Variants in XYLB observed in about 807,000 individuals in gnomAD.
XYLB encodes the protein xylulokinase.
Under a neutral mutation model 78.7 loss-of-function variants are expected in XYLB, and 62 were observed. The observed-to-expected ratio is 0.79, with a 90% CI of 0.64 to 0.97. XYLB has a LOEUF of 0.97. Ranked by LOEUF, XYLB falls within the 50% of genes least tolerant of loss-of-function variation. The pLI is 0.00. For synonymous variants in XYLB, 245 were observed against 247.4 expected (o/e 0.99, Z 0.09); for missense variants, 687 against 676.8 (o/e 1.02, Z -0.17).
At chr3:38,390,977 T>C (rs1180271927) in intron 15 of XYLB, among the ~76,000 whole-genome samples, 1 of 152,158 alleles carries the variant, frequency 6.6e-6, no homozygotes, top group African/African-American at 2.4e-5. Flanking sequence ...CCCAGCACTT[T>C]GGGAGGCCGA....
downstream of XYLB, among the ~76,000 whole-genome samples, chr3:38,418,636 C>G (rs1487953561): frequency 6.6e-6 from 1 of 152,106 alleles, no homozygotes; most frequent in Non-Finnish European, 1.5e-5. Flanking sequence ...CTCTATGTAC[C>G]AATGATGGGT....
At chr3:38,355,649 A>G in intron 2 of XYLB, 2 of 692,366 alleles carry the variant, frequency 2.9e-6, no homozygotes, top group Middle Eastern at 2.3e-4. Flanking sequence ...CCAGTGGAAT[A>G]TAAGAAAATG....
At chr3:38,369,436 CTCACCTGAGATG>C (rs1369060364) in intron 8 of XYLB, among the ~76,000 whole-genome samples, 2 of 152,210 alleles carry the variant, frequency 1.3e-5, no homozygotes, top group African/African-American at 4.8e-5. Flanking sequence ...CCCCCCTTCA[CTCACCTGAGATG>C]TCACCTCCTC....
chr3:38,346,825 G>T lies in XYLB; in HGVS notation c.-44G>T. 6.8e-7 allele frequency: 1 copy of T among 1,471,050 alleles called. No homozygotes were observed. 91.1% of individuals were successfully genotyped at this position (1,471,050 alleles called of 1,614,324 possible). A position where few individuals can be genotyped will look rare whatever the true frequency, so the allele number is the denominator to read the frequency against. On this transcript the variant is annotated 5_prime_UTR_variant, in exon 1 of 19. Coordinates refer to ENST00000207870, the MANE Select transcript of XYLB (RefSeq NM_005108.4). ...AGCGCGGCGACTATCACGCCGCGTG[G>T]CGGACGGACGGACTGACGGACGCGC...
chr3:38,444,805 C>G, the XYLB span, among the ~76,000 whole-genome samples: 5 of 152,208 alleles, frequency 3.3e-5, no homozygotes, highest in South Asian at 4.1e-4. Context: ...CATGCCCCCC[C>G]ACCCCTGGCC....
chr3:38,418,260 A>C (rs1473221347), downstream of XYLB, among the ~76,000 whole-genome samples: 1 of 151,962 alleles, frequency 6.6e-6, no homozygotes, highest in Non-Finnish European at 1.5e-5. Context: ...AAAAAAACGC[A>C]AGTACACTTT....
the XYLB span, among the ~76,000 whole-genome samples, chr3:38,432,941 G>A: frequency 6.6e-6 from 1 of 152,206 alleles, no homozygotes; most frequent in Admixed American, 6.5e-5. Flanking sequence ...TCTTCTCACA[G>A]CTCCAGTAGA....
chr3:38,430,958 C>A, the XYLB span, among the ~76,000 whole-genome samples: 1 of 152,146 alleles, frequency 6.6e-6, no homozygotes, highest in Non-Finnish European at 1.5e-5. Flanking sequence ...GCTACTGTAG[C>A]CTTGTAGTAT....
intron 18 of XYLB, among the ~76,000 whole-genome samples, chr3:38,410,293 C>G (rs1708517815): frequency 6.6e-6 from 1 of 152,206 alleles, no homozygotes; most frequent in South Asian, 2.1e-4. Context: ...AAAGGATTCC[C>G]TATTTAATAA....
At chr3:38,372,399 C>T in intron 9 of XYLB, 1 of 985,226 alleles carries the variant, frequency 1.0e-6, no homozygotes, top group Non-Finnish European at 1.2e-6. Context: ...TCTTAAATCT[C>T]AAGATCAGCA....
chr3:38,406,697 T>C (rs1330492448), intron 18 of XYLB, among the ~76,000 whole-genome samples: 1 of 152,186 alleles, frequency 6.6e-6, no homozygotes, highest in Non-Finnish European at 1.5e-5. Flanking sequence ...AAGGAGCTGA[T>C]GGAGCTGAAA....
chr3:38,379,228 A>C lies in XYLB; in HGVS notation c.1195-18A>C, dbSNP rs1707022759. On this transcript the variant is annotated intron_variant, in intron 14 of 18. Transcript: ENST00000207870. ...AATGAGAGTTCCTTACTCTGTGCCC[A>C]CCTTTTCCTGGAGACAGGTTGCAGC... 2 of 1,613,728 alleles carry C rather than the reference A, an allele frequency of 1.2e-6. No homozygotes were observed. Among genetic ancestry groups the C allele is most frequent in the African/African-American group, 2.7e-5 (2 of 75,012 alleles).
the XYLB span, among the ~76,000 whole-genome samples, chr3:38,432,322 A>G: frequency 2.0e-5 from 3 of 152,166 alleles, no homozygotes; most frequent in Non-Finnish European, 4.4e-5. Flanking sequence ...TAATCCCAAG[A>G]CTTTTGGAGG....
At chr3:38,442,871 G>T in the XYLB span, among the ~76,000 whole-genome samples, 1 of 152,080 alleles carries the variant, frequency 6.6e-6, no homozygotes, top group African/African-American at 2.4e-5. Flanking sequence ...GATTGGGCGG[G>T]CATTTTTGCC....
intron 2 of XYLB, among the ~76,000 whole-genome samples, chr3:38,352,751 A>G (rs559764108): frequency 6.6e-6 from 1 of 152,110 alleles, no homozygotes; most frequent in Admixed American, 6.6e-5. Context: ...GGAGGATACA[A>G]TGAGCCAAGA....
At chr3:38,419,603 T>TATATATATA (rs71085322), downstream of XYLB, among the ~76,000 whole-genome samples, 3 of 80,890 alleles carry the variant, frequency 3.7e-5, no homozygotes, top group Non-Finnish European at 9.4e-5. Flanking sequence ...TATATATATA[T>TATATATATA]AATAGCCATC....
the XYLB span, among the ~76,000 whole-genome samples, chr3:38,430,063 A>G: frequency 9.2e-5 from 14 of 152,204 alleles, no homozygotes; most frequent in African/African-American, 3.4e-4. Flanking sequence ...TCCTTCGGGT[A>G]TATACCCAGT....
At chr3:38,400,513 G>A (rs954483175) in intron 17 of XYLB, among the ~76,000 whole-genome samples, 7 of 152,112 alleles carry the variant, frequency 4.6e-5, no homozygotes, top group African/African-American at 1.4e-4. Context: ...AGACCAGGCT[G>A]TCCAGAATGT....
rs939020492 is a variant in XYLB at position 38,365,265 on chromosome 3, C to T, written c.358C>T (p.Arg120Trp). The stretch of plus-strand genomic sequence containing the variant: ...ACTGACAAGCTTATCACCAGACCTC[C>T]GGCTACACCAGCAGCTGCAGGTAAC... Reference protein sequence around the residue: ...QALTSLSPDLRLHQQLQDCFS... With the variant: ...QALTSLSPDLWLHQQLQDCFS... The change falls in exon 5 of 19, where the codon CGG (arginine) becomes TGG (tryptophan). Residue 120 changes from arginine (R) to tryptophan (W), a missense_variant. Arg to Trp is a moderately radical substitution (Grantham distance 101, BLOSUM62 -3). Transcript: ENST00000207870. 2.4e-5 allele frequency: 38 copies of T among 1,614,084 alleles called. No individual in the cohort carries two copies. Among genetic ancestry groups the T allele is most frequent in the East Asian group, 6.7e-5 (3 of 44,898 alleles).
Sources: allele counts gnomAD v4.1 joint callset (sites outside exome capture counted in the v4.1 genomes callset), GRCh38; gene constraint gnomAD v4.1.1; transcripts MANE v1.5; gene names NCBI Gene and HGNC (gene_info 2026-07-23, HGNC 2026-07-21).